Variants in TONSL observed in about 807,000 individuals in gnomAD.
The protein encoded by TONSL is tonsoku like, DNA repair protein.
Under a neutral mutation model 147.1 loss-of-function variants are expected in TONSL, and 112 were observed. The observed-to-expected ratio is 0.76, with a 90% CI of 0.65 to 0.89. The LOEUF is 0.89. Among genes scored for constraint, TONSL ranks in the 40% least tolerant of loss-of-function variants. The pLI is 0.00. For missense variants in TONSL, 1,883 were observed against 1,864.6 expected, an observed-to-expected ratio of 1.01 and a Z score of -0.18; for synonymous variants, 868 against 801.5, an observed-to-expected ratio of 1.08 and a Z score of -1.40.
chr8:144,435,276 C>T, intron 18 of TONSL, 106 bp from the exon 19 acceptor site: 1 of 1,403,220 alleles, frequency 7.1e-7, no homozygotes, highest in Non-Finnish European at 9.4e-7. Flanking sequence ...GCTGCTTCTC[C>T]CATTCCCAGG....
chr8:144,443,183 C>G lies in TONSL; in HGVS notation c.403G>C (p.Ala135Pro), dbSNP rs1474254324. The G allele has an allele frequency of 6.4e-6, 10 of 1,550,804 alleles. No individual in the cohort carries two copies. The highest frequency in any genetic ancestry group is 2.4e-5 in the East Asian group (1 of 40,928). ...QSRDALLQAQ[A>P]AFEKSLAIVD... is the part of the protein sequence containing the mutation. The stretch of plus-strand genomic sequence containing the variant: ...ATAGCCAAGCTCTTCTCAAAGGCAG[C>G]CTGTGCCTGCAGCAAAGCATCCCTC... The change falls in exon 4 of 26, where the codon GCT (alanine) becomes CCT (proline). Residue 135 changes from alanine to proline, a missense_variant. By Grantham distance (27) the Ala-to-Pro change is conservative (BLOSUM62 -1). Transcript: ENST00000409379.
chr8:144,431,214 C>T lies in TONSL; in HGVS notation c.3736-63G>A. 2.0e-6 allele frequency: 3 copies of T among 1,536,654 alleles called. 1 individual carries two copies. The highest frequency in any genetic ancestry group is 2.3e-5 in the East Asian group (1 of 44,408). ...TGGCGCACCTGCCCTGCCTGCTTCC[C>T]AGCAGGTGCACCACACCCAGGGGCC... On this transcript the variant is annotated intron_variant, in intron 23 of 25. Coordinates refer to ENST00000409379, the MANE Select transcript of TONSL (RefSeq NM_013432.5).
intron 5 of TONSL, 25 bp downstream of exon 5, chr8:144,442,652 C>G: frequency 6.2e-7 from 1 of 1,607,332 alleles, no homozygotes; most frequent in Non-Finnish European, 8.5e-7. Context: ...ACTCCACTCC[C>G]TCCTGGGGCG....
At position 144,442,699 on chromosome 8, in the gene TONSL, T is replaced by C. The variant is rs141117208; in HGVS notation, c.556A>G (p.Arg186Gly). The change falls in exon 5 of 26, where the codon AGG becomes GGG. Residue 186 changes from arginine (R) to glycine (G), a missense_variant. Transcript: ENST00000409379. Reference protein sequence around the residue: ...QQTALCNDYFRKSIFLAEQNH... With the variant: ...QQTALCNDYFGKSIFLAEQNH... The stretch of plus-strand genomic sequence containing the variant: ...TACTCCGCAAGGAAGATGCTCTTCC[T>C]GAAGTAATCGTTGCACAGGGCTGTC... 4.3e-5 allele frequency: 69 copies of C among 1,612,812 alleles called. No individual in the cohort carries two copies. In the South Asian group the frequency reaches 5.6e-4, roughly 13 times the overall value.
chr8:144,439,473 C>A (rs1823617855), intron 11 of TONSL, among the ~76,000 whole-genome samples: 1 of 152,134 alleles, frequency 6.6e-6, no homozygotes, highest in South Asian at 2.1e-4. Flanking sequence ...CACCCCCCAA[C>A]AGGCCTCATG....
chr8:144,435,631 G>T lies in TONSL; in HGVS notation c.2775+27C>A, dbSNP rs535062602. On this transcript the variant is annotated intron_variant, in intron 17 of 25. Coordinates refer to ENST00000409379, the MANE Select transcript of TONSL (RefSeq NM_013432.5). ...ACCTGCCTGCCCGGAGTGGGGAGAG[G>T]GCTCTGCTCCAGGTCTGCATACCCA... The T allele has an allele frequency of 3.2e-6, 5 of 1,585,388 alleles. No homozygotes were observed. The South Asian group carries it at 4.5e-5, about 14-fold the overall frequency.
At position 144,442,100 on chromosome 8, in the gene TONSL, CCTT is replaced by C. The variant is rs775692290; in HGVS notation, c.799_801del (p.Lys267del). The C allele has an allele frequency of 2.5e-6, 4 of 1,612,832 alleles. No individual in the cohort carries two copies. ...GGCTTCTGGGAGCCCAGCCTGTAGG[CCTT>C]CTTCAGGGCTCGCTTGGCAGCCAAA... On this transcript the variant is annotated inframe_deletion, in exon 7 of 26. Coordinates refer to ENST00000409379, the MANE Select transcript of TONSL (RefSeq NM_013432.5).
intron 13 of TONSL, 50 bp downstream of exon 13, chr8:144,438,421 C>A (rs371323373): frequency 3.8e-6 from 6 of 1,581,542 alleles, no homozygotes; most frequent in Non-Finnish European, 5.2e-6. Flanking sequence ...CACAAACGCA[C>A]AGCTCCTCCA....
Position 144,436,438 on chromosome 8 carries a change from T to A in TONSL, c.2015-20A>T. On this transcript the variant is annotated intron_variant, in intron 16 of 25. Transcript: ENST00000409379. ...GGGGATCTGTGGGAGAGAGAATGCGTGTTGAGGCAGGGGCCCGGCACCTCC... is the reference window on the plus strand; with the variant it reads ...GGGGATCTGTGGGAGAGAGAATGCGAGTTGAGGCAGGGGCCCGGCACCTCC... The A allele has an allele frequency of 6.6e-7, 1 of 1,525,338 alleles. No homozygotes were observed. 94.5% of individuals were successfully genotyped at this position (1,525,338 alleles called of 1,614,324 possible).
Position 144,436,953 on chromosome 8 carries a change from A to G in TONSL, c.1727-33T>C, listed in dbSNP as rs372824144. On this transcript the variant is annotated intron_variant, in intron 14 of 25. Coordinates refer to ENST00000409379, the MANE Select transcript of TONSL (RefSeq NM_013432.5). ...CCAGGAGACGTAAGCCCAGCTCCCGATGCCCCGCCAGGACTGACTCTTCGC... is the reference window on the plus strand; with the variant it reads ...CCAGGAGACGTAAGCCCAGCTCCCGGTGCCCCGCCAGGACTGACTCTTCGC... 6.7e-5 allele frequency: 108 copies of G among 1,611,276 alleles called. No individual in the cohort carries two copies. In the African/African-American group the frequency reaches 1.3e-3, roughly 20 times the overall value.
rs1335173891 is a variant in TONSL, at chr8:144,433,628, G to A, written c.3519C>T (p.Phe1173=). 29 of 1,613,352 alleles carry A rather than the reference G, an allele frequency of 1.8e-5. No homozygotes were observed. In the Admixed American group the frequency reaches 4.8e-4, roughly 27 times the overall value. Residue 1173 remains phenylalanine, a synonymous_variant, in exon 22 of 26, where the codon TTC becomes TTT. Coordinates refer to ENST00000409379, the MANE Select transcript of TONSL (RefSeq NM_013432.5). The stretch of plus-strand genomic sequence containing the variant: ...CCAGTGCTGTCTGGTGGCTCAGAAA[G>A]AAGCTGGGGCCGAAGCCACACGCCT... ...RLQACGFGPS[F]FLSHQTALGS...
chr8:144,435,245 C>T, intron 18 of TONSL, 75 bp from the exon 19 acceptor site: 6 of 1,433,242 alleles, frequency 4.2e-6, no homozygotes, highest in Non-Finnish European at 5.5e-6. Flanking sequence ...CCATCCCTGC[C>T]CAGGGCCAGA....
chr8:144,442,235 G>A lies in TONSL; in HGVS notation c.750+6C>T, dbSNP rs764209113. ...GCCTGAGCTCGGAGCCACGCACAGC[G>A]GGTACCTGTGCAATAACCACGCAGC... On this transcript the variant is annotated splice_donor_region_variant and intron_variant, in intron 6 of 25. Transcript: ENST00000409379. 1.4e-5 allele frequency: 22 copies of A among 1,588,706 alleles called. No individual in the cohort carries two copies. The highest frequency in any genetic ancestry group is 1.7e-4 in the Middle Eastern group (1 of 5,962).
rs1018936687 is a variant in TONSL at position 144,438,222 on chromosome 8, A to G, written c.1653+249T>C. 8.9e-6 allele frequency: 5 copies of G among 562,998 alleles called. No individual in the cohort carries two copies. In the African/African-American group the frequency reaches 9.4e-5, roughly 11 times the overall value. 34.9% of individuals were successfully genotyped at this position (562,998 alleles called of 1,614,324 possible). On this transcript the variant is annotated intron_variant, in intron 13 of 25. Coordinates refer to ENST00000409379, the MANE Select transcript of TONSL (RefSeq NM_013432.5). Reference sequence around the variant, plus strand: ...AGCCTCCGCTTTTTAAATTTTTTTGAAACAGGGTCTCACTGTGTTGCCCAG... The same window carrying G: ...AGCCTCCGCTTTTTAAATTTTTTTGGAACAGGGTCTCACTGTGTTGCCCAG...
intron 25 of TONSL, 77 bp downstream of exon 25, chr8:144,430,327 G>A: frequency 7.0e-7 from 1 of 1,434,544 alleles, no homozygotes; most frequent in Non-Finnish European, 9.2e-7. Context: ...CAGCCCCTTA[G>A]GAGGAGGCAC....
rs543310316 is a variant in TONSL, at chr8:144,434,088, C to A, written c.3277G>T (p.Ala1093Ser). The A allele has an allele frequency of 5.6e-6, 9 of 1,612,232 alleles. No homozygotes were observed. The African/African-American group carries it at 1.2e-4, about 21-fold the overall frequency. ...GDKCVAELVA[A>S]LGTMPSLALL... ...GCCAGGCTGGGCATGGTGCCCAGGG[C>A]AGCCACCAGCTCAGCCACACACTTG... Residue 1093 changes from alanine (A) to serine (S), a missense_variant, in exon 21 of 26, where the codon GCC (alanine) becomes TCC (serine). Physicochemically the swap from Ala to Ser is moderately conservative, Grantham distance 99. Coordinates refer to ENST00000409379, the MANE Select transcript of TONSL (RefSeq NM_013432.5).
chr8:144,429,146 G>A lies in TONSL; in HGVS notation c.4134C>T (p.Leu1378=), dbSNP rs1420654851. 8 of 1,528,742 alleles carry A rather than the reference G, an allele frequency of 5.2e-6. No homozygotes were observed. In the African/African-American group the frequency reaches 9.7e-5, roughly 19 times the overall value. The allele number at this position is 1,528,742 out of a possible 1,614,324, so 94.7% of individuals were successfully genotyped here. ...GTGGGGAAAGGCAGCGCCAGGGTCA[G>A]AGGCGCCGAAAGAAGAGCTTGGAGC... The part of the protein sequence containing the change: ...DHGSKLFFRR[L] The change falls in exon 26 of 26, where the codon CTC becomes CTT. Residue 1378 remains leucine, a synonymous_variant. Coordinates refer to ENST00000409379, the MANE Select transcript of TONSL (RefSeq NM_013432.5).
chr8:144,438,645 G>A lies in TONSL; in HGVS notation c.1563+8C>T, dbSNP rs1241459529. ...GCGGGGTGGGTGGGGGCAGGGCACT[G>A]TCCTCACCTTGCTCCCCTTCCGCCG... On this transcript the variant is annotated splice_region_variant and intron_variant, in intron 12 of 25. Coordinates refer to ENST00000409379, the MANE Select transcript of TONSL (RefSeq NM_013432.5). 1.9e-6 allele frequency: 3 copies of A among 1,612,984 alleles called. No homozygotes were observed. Among genetic ancestry groups the A allele is most frequent in the Non-Finnish European group, 2.5e-6 (3 of 1,179,916 alleles).
In TONSL at chr8:144,428,852, C is replaced by T. The variant is rs1400994058; in HGVS notation, c.*291G>A. The T allele has an allele frequency of 1.8e-5, 5 of 275,734 alleles. No homozygotes were observed. The highest frequency in any genetic ancestry group is 6.1e-5 in the East Asian group (1 of 16,290). 17.1% of individuals were successfully genotyped at this position (275,734 alleles called of 1,614,324 possible). On this transcript the variant is annotated 3_prime_UTR_variant, in exon 26 of 26. Transcript: ENST00000409379. ...TCGCCCAGGCTGGAGTGCAGTGGTG[C>T]GATCTCGGCTCACTGCAAGCTCCGC...
Sources: allele counts gnomAD v4.1 joint callset (sites outside exome capture counted in the v4.1 genomes callset), GRCh38; gene constraint gnomAD v4.1.1; transcripts MANE v1.5; gene names NCBI Gene and HGNC (gene_info 2026-07-23, HGNC 2026-07-21).